Variants in PTK7 observed in about 807,000 individuals in gnomAD.
The protein encoded by PTK7 is protein tyrosine kinase 7 (inactive).
A neutral mutation model predicts 116.6 loss-of-function variants in PTK7; 39 were observed. The ratio of observed to expected loss-of-function variants is 0.33; its 90% CI spans 0.26 to 0.44. PTK7 has a LOEUF of 0.44. PTK7 is among the 20% of genes least tolerant of loss of function. The pLI, the probability that PTK7 is intolerant of heterozygous loss-of-function variation, is 1.00. For synonymous variants in PTK7, 546 were observed against 563.6 expected (o/e 0.97, Z 0.44); for missense variants, 1,169 against 1,425.6 (o/e 0.82, Z 2.90).
Position 43,159,869 on chromosome 6 carries a change from C to T in PTK7, c.2955C>T (p.Thr985=). The T allele has an allele frequency of 1.2e-6, 2 of 1,614,242 alleles. No homozygotes were observed. The highest frequency in any genetic ancestry group is 2.2e-5 in the South Asian group (2 of 91,090). ...PEAILEGDFS[T]KSDVWAFGVL... is the part of the protein sequence containing the mutation. ...CCATCCTGGAGGGTGACTTCTCTAC[C>T]AAGTCTGATGTCTGGGCCTTCGGTG... The change falls in exon 19 of 20, where the codon ACC becomes ACT. Residue 985 remains threonine, a synonymous_variant. Transcript: ENST00000230419.
Position 43,145,087 on chromosome 6 carries a change from G to A in PTK7, c.2408-113G>A. The A allele has an allele frequency of 1.1e-6, 1 of 902,094 alleles. No individual in the cohort carries two copies. The highest frequency in any genetic ancestry group is 1.7e-6 in the Non-Finnish European group (1 of 599,746). 55.9% of individuals were successfully genotyped at this position (902,094 alleles called of 1,614,324 possible). ...GGGTCACAGCAGAACCGGGTCTCGT[G>A]CCCAGCCCAGGTGGGTGGGTCCCCA... is the stretch of plus-strand genomic sequence containing the variant. On this transcript the variant is annotated intron_variant, in intron 15 of 19. Coordinates refer to ENST00000230419, the MANE Select transcript of PTK7 (RefSeq NM_002821.5). The surrounding 1 kb of genome is among the most constrained non-coding windows in gnomAD (Gnocchi z 4.8).
rs548243539 is a variant in PTK7 at position 43,147,410 on chromosome 6, C to T, written c.2721+712C>T. ...CTGTGGCCCGGCCCCTTCTTCCTTCCCTCAGGTTCTTCTTGCCCACAGCTG... is the reference window on the plus strand; with the variant it reads ...CTGTGGCCCGGCCCCTTCTTCCTTCTCTCAGGTTCTTCTTGCCCACAGCTG... On this transcript the variant is annotated intron_variant, in intron 17 of 19. Transcript: ENST00000230419. 5.0e-4 allele frequency among the ~76,000 whole-genome samples: 76 copies of T among 152,328 alleles called. 1 individual carries two copies. In the South Asian group the frequency reaches 0.015, roughly 31 times the overall value.
chr6:43,159,183 G>A (rs914595505), intron 18 of PTK7, among the ~76,000 whole-genome samples: 7 of 152,144 alleles, frequency 4.6e-5, no homozygotes, highest in African/African-American at 1.7e-4. Context: ...AATGTCTCTA[G>A]CGATTAAATA....
At position 43,157,370 on chromosome 6, in the gene PTK7, T is replaced by TTC. The variant is rs1771554531; in HGVS notation, c.2722-1446_2722-1445insCT. ...TATATATATATATATATATATTTTT[T>TTC]TTTTTCTTTTTTTTTTTTTTTTTTT... On this transcript the variant is annotated intron_variant, in intron 17 of 19. Transcript: ENST00000230419. 7.5e-5 allele frequency among the ~76,000 whole-genome samples: 5 copies of TTC among 66,834 alleles called. 2 individuals carry two copies. In the East Asian group the frequency reaches 2.2e-3, roughly 29 times the overall value. The allele number at this position is 66,834 out of a possible 152,430, so 43.8% of individuals were successfully genotyped here.
chr6:43,157,348 A>T (rs1561990167), intron 17 of PTK7, among the ~76,000 whole-genome samples: 15 of 4,706 alleles, frequency 3.2e-3, no homozygotes, highest in Non-Finnish European at 5.3e-3. Context: ...ATATATATAT[A>T]TATATATATA....
At chr6:43,126,049 A>G (rs1769269259) in intron 1 of PTK7, among the ~76,000 whole-genome samples, 2 of 152,182 alleles carry the variant, frequency 1.3e-5, no homozygotes, top group South Asian at 4.1e-4. Context: ...GCAGGGCGCC[A>G]TGGCTCACAT....
Position 43,146,573 on chromosome 6 carries a change from A to G in PTK7, c.2641-45A>G, listed in dbSNP as rs1411069371. The G allele has an allele frequency of 6.4e-6, 10 of 1,563,898 alleles. 1 individual carries two copies. The South Asian group carries it at 1.0e-4, about 16-fold the overall frequency. On this transcript the variant is annotated intron_variant, in intron 16 of 19. Coordinates refer to ENST00000230419, the MANE Select transcript of PTK7 (RefSeq NM_002821.5). ...TGCTTGGTCTGAGGCTTTACAGCCA[A>G]TGGCTGTGCACTGACCTGAGCGAGA...
At chr6:43,116,643 T>C (rs867882129) in intron 1 of PTK7, among the ~76,000 whole-genome samples, 11 of 86,922 alleles carry the variant, frequency 1.3e-4, no homozygotes, top group African/African-American at 4.5e-4. Flanking sequence ...TGTGTGTGTG[T>C]GTGTGTGTGC....
intron 1 of PTK7, among the ~76,000 whole-genome samples, chr6:43,123,084 C>G (rs1406708341): frequency 7.9e-5 from 12 of 152,162 alleles, no homozygotes; most frequent in Admixed American, 7.9e-4. Context: ...TAGCATCAAG[C>G]TCCCCACTCA....
At chr6:43,105,247 G>A (rs1401735747) in intron 1 of PTK7, among the ~76,000 whole-genome samples, 1 of 149,914 alleles carries the variant, frequency 6.7e-6, no homozygotes, top group African/African-American at 2.5e-5. Flanking sequence ...AGTGTGCATA[G>A]ATGCCTGTAC....
At chr6:43,083,815 G>A (rs1361916767) in intron 1 of PTK7, among the ~76,000 whole-genome samples, 2 of 152,188 alleles carry the variant, frequency 1.3e-5, no homozygotes, top group Non-Finnish European at 2.9e-5. Flanking sequence ...CTTGATAAGC[G>A]GGATATGCAC....
At chr6:43,121,958 A>C (rs527724217) in intron 1 of PTK7, among the ~76,000 whole-genome samples, 147 of 152,184 alleles carry the variant, frequency 9.7e-4, no homozygotes, top group Admixed American at 4.4e-3. Flanking sequence ...TGGGCAACCT[A>C]GGGGGACCCC....
intron 13 of PTK7, chr6:43,142,703 C>G: frequency 3.6e-6 from 1 of 275,916 alleles, no homozygotes; most frequent in Admixed American, 4.6e-5. Context: ...ACTTAACTCT[C>G]TGCCCCTGGG....
chr6:43,118,659 CTATATATATATATATATA>C (rs58935341), intron 1 of PTK7, among the ~76,000 whole-genome samples: 130 of 53,020 alleles, frequency 2.5e-3, no homozygotes, highest in South Asian at 4.1e-3. Context: ...CTCTCTCTCT[CTATATATATATATATATA>C]TATATATATA....
In PTK7 at chr6:43,092,820, T is replaced by TTA. The variant is rs1561937003; in HGVS notation, c.79+16254_79+16255insAT. On this transcript the variant is annotated intron_variant, in intron 1 of 19. Transcript: ENST00000230419. Reference sequence around the variant, plus strand: ...TGATGGTTATCTGTGGTAGTTATAATTGTGATGGTTATCTGTGGTGGTTAT... The same window carrying TTA: ...TGATGGTTATCTGTGGTAGTTATAATTATGTGATGGTTATCTGTGGTGGTTAT... 6.6e-5 allele frequency among the ~76,000 whole-genome samples: 10 copies of TTA among 152,148 alleles called. No individual in the cohort carries two copies. The East Asian group carries it at 1.7e-3, about 26-fold the overall frequency.
At chr6:43,112,051 T>C (rs527899698) in intron 1 of PTK7, among the ~76,000 whole-genome samples, 1 of 152,022 alleles carries the variant, frequency 6.6e-6, no homozygotes, top group African/African-American at 2.4e-5. Context: ...AAGGTCATAC[T>C]CTTGGTAAGT....
intron 17 of PTK7, among the ~76,000 whole-genome samples, chr6:43,157,809 C>T (rs1214932347): frequency 6.6e-6 from 1 of 152,014 alleles, no homozygotes; most frequent in Non-Finnish European, 1.5e-5. Flanking sequence ...TCACCACAAC[C>T]TCCGCCTGCT....
At chr6:43,144,971 A>C (rs916173766) in intron 15 of PTK7, 11 of 433,306 alleles carry the variant, frequency 2.5e-5, no homozygotes, top group South Asian at 7.4e-5. Context: ...GCCACCAAAA[A>C]TTCTCATGCG....
intron 1 of PTK7, among the ~76,000 whole-genome samples, chr6:43,127,428 C>T (rs1247997610): frequency 1.3e-5 from 2 of 152,260 alleles, no homozygotes; most frequent in African/African-American, 4.8e-5. Flanking sequence ...CTCCCTAAAC[C>T]CATCTGCCAT....
Sources: allele counts gnomAD v4.1 joint callset (sites outside exome capture counted in the v4.1 genomes callset), GRCh38; gene constraint gnomAD v4.1.1; non-coding constraint Gnocchi (gnomAD v3.1); transcripts MANE v1.5; gene names NCBI Gene and HGNC (gene_info 2026-07-23, HGNC 2026-07-21).